The following SUGCT variants were observed in gnomAD, a reference collection of about 807,000 sequenced individuals.
The protein encoded by SUGCT is succinyl-CoA:glutarate-CoA transferase.
In SUGCT, 41 loss-of-function variants were observed where a neutral mutation model predicts 55.0. The ratio of observed to expected loss-of-function variants is 0.74; its 90% CI spans 0.58 to 0.97. The LOEUF (loss-of-function observed/expected upper bound fraction) is 0.97, where lower values mean the gene tolerates loss of function less well. Among genes scored for constraint, SUGCT ranks in the 50% least tolerant of loss-of-function variants. The pLI is 0.00. For missense variants in SUGCT, 568 were observed against 547.8 expected (o/e 1.04, Z -0.37); for synonymous variants, 187 against 200.4 (o/e 0.93, Z 0.56).
At chr7:40,544,798 A>T (rs141731853) in intron 12 of SUGCT, among the ~76,000 whole-genome samples, 205 of 152,340 alleles carry the variant, frequency 1.3e-3, no homozygotes, top group African/African-American at 4.7e-3. Context: ...AAATAGCTGC[A>T]GAGTGCTCAG....
At chr7:40,930,360 C>A in the SUGCT span, among the ~76,000 whole-genome samples, 2 of 152,292 alleles carry the variant, frequency 1.3e-5, no homozygotes, top group East Asian at 3.9e-4. Context: ...AGCGTGATGC[C>A]TCCAGCTTTG....
chr7:40,823,110 T>C (rs1792114250), intron 13 of SUGCT, among the ~76,000 whole-genome samples: 1 of 152,166 alleles, frequency 6.6e-6, no homozygotes, highest in African/African-American at 2.4e-5. Flanking sequence ...TTGTTTTGCA[T>C]CAGTAAATAT....
At chr7:40,960,656 T>A in the SUGCT span, among the ~76,000 whole-genome samples, 1 of 152,242 alleles carries the variant, frequency 6.6e-6, no homozygotes, top group African/African-American at 2.4e-5. Context: ...TTACATCATC[T>A]TGGAGACATT....
At chr7:40,413,583 T>C (rs1465329307) in intron 9 of SUGCT, among the ~76,000 whole-genome samples, 1 of 152,218 alleles carries the variant, frequency 6.6e-6, no homozygotes, top group Non-Finnish European at 1.5e-5. Flanking sequence ...TAGGTTTAAC[T>C]ATTTATTTCT....
intron 13 of SUGCT, among the ~76,000 whole-genome samples, chr7:40,768,044 A>G (rs544327554): frequency 4.6e-5 from 7 of 152,346 alleles, no homozygotes; most frequent in African/African-American, 1.7e-4. Context: ...GCCATGGGTC[A>G]TCTGAGCTTG....
intron 11 of SUGCT, among the ~76,000 whole-genome samples, chr7:40,465,818 C>T (rs1044444433): frequency 6.6e-6 from 1 of 152,136 alleles, no homozygotes; most frequent in Non-Finnish European, 1.5e-5. Context: ...TATTAAGCCA[C>T]TATGACCATT....
At chr7:40,574,431 TTTG>T (rs1010287428) in intron 12 of SUGCT, among the ~76,000 whole-genome samples, 9 of 151,740 alleles carry the variant, frequency 5.9e-5, no homozygotes, top group Non-Finnish European at 8.8e-5. Flanking sequence ...TGTTGTTTGT[TTTG>T]TTGTTGTTGT....
At chr7:40,780,759 CT>C (rs1789700158) in intron 13 of SUGCT, among the ~76,000 whole-genome samples, 1 of 141,638 alleles carries the variant, frequency 7.1e-6, no homozygotes, top group Non-Finnish European at 1.5e-5. Flanking sequence ...TTTTCTTTTT[CT>C]TTCTTCTTCT....
intron 9 of SUGCT, among the ~76,000 whole-genome samples, chr7:40,448,961 TAGAGAGAG>T (rs1163648397): frequency 2.1e-5 from 3 of 144,080 alleles, no homozygotes; most frequent in Admixed American, 6.9e-5. Flanking sequence ...TATATATATA[TAGAGAGAG>T]AGAGAGAGAG....
chr7:40,911,170 G>A, the SUGCT span, among the ~76,000 whole-genome samples: 2 of 152,024 alleles, frequency 1.3e-5, no homozygotes, highest in Admixed American at 6.6e-5. Flanking sequence ...TTCGGGGGTG[G>A]GATAAGTTCA....
chr7:40,194,198 C>T (rs1344422048), intron 5 of SUGCT, among the ~76,000 whole-genome samples: 1 of 152,042 alleles, frequency 6.6e-6, no homozygotes, highest in Non-Finnish European at 1.5e-5. Context: ...TGCTTAAGTG[C>T]GTTAAGTGCA....
chr7:40,633,262 G>T lies in SUGCT; in HGVS notation c.1090-116172G>T, dbSNP rs185713541. Reference sequence around the variant, plus strand: ...CTTTTAAATAATATCGAAACCAAAAGTGTCTATATTTTTTTCTCTTTTAAG... The same window carrying T: ...CTTTTAAATAATATCGAAACCAAAATTGTCTATATTTTTTTCTCTTTTAAG... On this transcript the variant is annotated intron_variant, in intron 12 of 13. Coordinates refer to ENST00000335693, the MANE Select transcript of SUGCT (RefSeq NM_001193313.2). Among the ~76,000 whole-genome samples the T allele has an allele frequency of 2.8e-3, 422 of 152,244 alleles. 3 individuals carry two copies. Among genetic ancestry groups the T allele is most frequent in the African/African-American group, 9.6e-3 (400 of 41,544 alleles).
chr7:40,815,912 AC>A (rs2128762024), intron 13 of SUGCT, among the ~76,000 whole-genome samples: 1 of 152,176 alleles, frequency 6.6e-6, no homozygotes, highest in South Asian at 2.1e-4. Context: ...AGGCTGCGAA[AC>A]CACACAAGTG....
intron 8 of SUGCT, among the ~76,000 whole-genome samples, chr7:40,316,414 A>G (rs1356895030): frequency 6.6e-6 from 1 of 152,200 alleles, no homozygotes; most frequent in African/African-American, 2.4e-5. Flanking sequence ...AGAGGGGAAA[A>G]AAATGCACGA....
intron 8 of SUGCT, among the ~76,000 whole-genome samples, chr7:40,305,141 G>C (rs1320278697): frequency 6.6e-6 from 1 of 152,098 alleles, no homozygotes; most frequent in Non-Finnish European, 1.5e-5. Flanking sequence ...TTATCCATCT[G>C]GTATGTGGGG....
At chr7:40,207,249 A>G (rs965836695) in intron 6 of SUGCT, among the ~76,000 whole-genome samples, 4 of 152,154 alleles carry the variant, frequency 2.6e-5, no homozygotes, top group African/African-American at 7.2e-5. Context: ...GGAAATGGGC[A>G]AAGGACTTGA....
At chr7:40,149,645 T>C (rs1788446056) in intron 1 of SUGCT, among the ~76,000 whole-genome samples, 2 of 152,078 alleles carry the variant, frequency 1.3e-5, no homozygotes, top group Admixed American at 6.5e-5. Flanking sequence ...CGGCCGGGCA[T>C]GGTAGCTCAC....
At chr7:40,853,526 C>T (rs949718826) in intron 13 of SUGCT, among the ~76,000 whole-genome samples, 1 of 151,966 alleles carries the variant, frequency 6.6e-6, no homozygotes, top group South Asian at 2.1e-4. Flanking sequence ...CACCACACCC[C>T]GCTAATTTTT....
chr7:40,444,397 G>A lies in SUGCT; in HGVS notation c.817-4890G>A, dbSNP rs537865243. On this transcript the variant is annotated intron_variant, in intron 9 of 13. Transcript: ENST00000335693. ...ATTTGTTTGTGTTCTCTTTTATTTC[G>A]TTGAGCAGTGGTTTGTAGTTCTCCT... Among the ~76,000 whole-genome samples, 685 of 151,920 alleles carry A rather than the reference G, an allele frequency of 4.5e-3. 3 individuals carry two copies. Among genetic ancestry groups the A allele is most frequent in the African/African-American group, 0.014 (580 of 41,456 alleles).
Sources: allele counts gnomAD v4.1 joint callset (sites outside exome capture counted in the v4.1 genomes callset), GRCh38; gene constraint gnomAD v4.1.1; transcripts MANE v1.5; gene names NCBI Gene and HGNC (gene_info 2026-07-23, HGNC 2026-07-21).